Variants in DCBLD2 observed in about 807,000 individuals in gnomAD.
The protein encoded by DCBLD2 is discoidin, CUB and LCCL domain-containing protein 2.
Under a neutral mutation model 86.8 loss-of-function variants are expected in DCBLD2, and 54 were observed. That is an observed-to-expected ratio of 0.62 (90% confidence interval 0.50 to 0.78). The LOEUF (loss-of-function observed/expected upper bound fraction) is 0.78, where lower values mean the gene tolerates loss of function less well. Among genes scored for constraint, DCBLD2 ranks in the 30% least tolerant of loss-of-function variants. The pLI is 0.00. For synonymous variants in DCBLD2, 354 were observed against 341.3 expected (o/e 1.04, Z -0.41); for missense variants, 908 against 954.2 (o/e 0.95, Z 0.64).
intron 13 of DCBLD2, among the ~76,000 whole-genome samples, chr3:98,805,365 TAAAA>T (rs151049328): frequency 1.3e-5 from 2 of 152,104 alleles, no homozygotes; most frequent in African/African-American, 4.8e-5. Flanking sequence ...GATTTAGAAA[TAAAA>T]AAATAAATAA....
In DCBLD2 at chr3:98,849,505, G is replaced by A; in HGVS notation, c.527C>T (p.Ser176Phe). Residue 176 changes from serine to phenylalanine, a missense_variant, in exon 3 of 16, where the codon TCT becomes TTT. This residue lies in a region of DCBLD2 where 294 missense variants were observed against 256.0 expected (regional missense o/e 1.15). Coordinates refer to ENST00000326840, the MANE Select transcript of DCBLD2 (RefSeq NM_080927.4). The stretch of plus-strand genomic sequence containing the variant: ...GTATGAGGCCAAAAATCCGCGTCCA[G>A]AAACATGGATTCCACTCATGAACAG... ...TLLFMSGIHVSGRGFLASYSV... is the reference protein window; with the variant it reads ...TLLFMSGIHVFGRGFLASYSV... 1.9e-6 allele frequency: 3 copies of A among 1,613,890 alleles called. No homozygotes were observed. The highest frequency in any genetic ancestry group is 1.1e-5 in the South Asian group (1 of 91,068).
At position 98,849,762 on chromosome 3, in the gene DCBLD2, A is replaced by C. The variant is rs138149467; in HGVS notation, c.434-164T>G. On this transcript the variant is annotated intron_variant, in intron 2 of 15. Coordinates refer to ENST00000326840, the MANE Select transcript of DCBLD2 (RefSeq NM_080927.4). ...ATTACCAATCATATTGCTCTGGAGG[A>C]AAAAAATGACAAGTAATGTCTATTC... Among the ~76,000 whole-genome samples, 1,246 of 152,316 alleles carry C rather than the reference A, an allele frequency of 8.2e-3. 20 individuals are homozygous for C. Among genetic ancestry groups the C allele is most frequent in the African/African-American group, 0.029 (1,199 of 41,566 alleles).
chr3:98,901,598 C>T lies in DCBLD2; in HGVS notation c.-272G>A. The T allele has an allele frequency of 3.5e-6, 1 of 286,912 alleles. No individual in the cohort carries two copies. The highest frequency in any genetic ancestry group is 6.4e-6 in the Non-Finnish European group (1 of 156,172). 17.8% of individuals were successfully genotyped at this position (286,912 alleles called of 1,614,324 possible). On this transcript the variant is annotated 5_prime_UTR_variant, in exon 1 of 16. Transcript: ENST00000326840. ...GTCCTCGAGCCGCGGAGGACGGCCG[C>T]GGCGGAGCTAAGGAACGTGCCTCCC...
chr3:98,854,319 C>G lies in DCBLD2; in HGVS notation c.434-4721G>C, dbSNP rs183287358. Among the ~76,000 whole-genome samples the G allele has an allele frequency of 3.0e-4, 45 of 152,122 alleles. No individual in the cohort carries two copies. In the East Asian group the frequency reaches 8.5e-3, roughly 29 times the overall value. On this transcript the variant is annotated intron_variant, in intron 2 of 15. Transcript: ENST00000326840. ...GGACCATTGTCTTATGCTTGGTGGG[C>G]CAGAGTGAGGTGGAGATGTACAAAT... is the stretch of plus-strand genomic sequence containing the variant.
chr3:98,858,314 C>T (rs2107494383), intron 2 of DCBLD2, among the ~76,000 whole-genome samples: 1 of 152,366 alleles, frequency 6.6e-6, no homozygotes, highest in South Asian at 2.1e-4. Flanking sequence ...TCCCTCCACA[C>T]CTACCCGCAA....
chr3:98,812,434 A>G lies in DCBLD2; in HGVS notation c.1261T>C (p.Leu421=), dbSNP rs753714057. The part of the protein sequence containing the change: ...DYHQDVRNNF[L]PPIIARFIRV... ...ATAAAACGTGCAATAATTGGTGGCAAAAAGTTATTACGCACATCCTGGTGA... is the reference window on the plus strand; with the variant it reads ...ATAAAACGTGCAATAATTGGTGGCAGAAAGTTATTACGCACATCCTGGTGA... The change falls in exon 10 of 16, where the codon TTG becomes CTG. Residue 421 remains leucine, a synonymous_variant. Coordinates refer to ENST00000326840, the MANE Select transcript of DCBLD2 (RefSeq NM_080927.4). The G allele has an allele frequency of 5.6e-6, 9 of 1,613,512 alleles. No individual in the cohort carries two copies. The highest frequency in any genetic ancestry group is 7.6e-6 in the Non-Finnish European group (9 of 1,179,632).
At position 98,799,552 on chromosome 3, in the gene DCBLD2, A is replaced by G. The variant is rs1941676674; in HGVS notation, c.2148T>C (p.Asn716=). The part of the protein sequence containing the change: ...NQPPPLVGTY[N]TLLSRTDSCS... ...AGCTGTCAGTCCTGGAGAGAAGTGT[A>G]TTGTAAGTTCCCACTAGTGGGGGAG... The change falls in exon 16 of 16, where the codon AAT becomes AAC. Residue 716 remains asparagine, a synonymous_variant. Transcript: ENST00000326840. 9 of 1,613,816 alleles carry G rather than the reference A, an allele frequency of 5.6e-6. No homozygotes were observed. The highest frequency in any genetic ancestry group is 7.6e-6 in the Non-Finnish European group (9 of 1,179,878).
chr3:98,851,097 A>T (rs2470839), intron 2 of DCBLD2, among the ~76,000 whole-genome samples: 1 of 152,084 alleles, frequency 6.6e-6, no homozygotes, highest in African/African-American at 2.4e-5. Context: ...CTGGTCAGGG[A>T]AATCAGGCAA....
chr3:98,901,444 G>C lies in DCBLD2; in HGVS notation c.-118C>G. Reference sequence around the variant, plus strand: ...GGCGGGAGAACAAGAGGCAGCCCTCGCCTCACCCCGCGCCGGGACCCTTCC... The same window carrying C: ...GGCGGGAGAACAAGAGGCAGCCCTCCCCTCACCCCGCGCCGGGACCCTTCC... On this transcript the variant is annotated 5_prime_UTR_variant, in exon 1 of 16. Coordinates refer to ENST00000326840, the MANE Select transcript of DCBLD2 (RefSeq NM_080927.4). The C allele has an allele frequency of 9.6e-7, 1 of 1,042,342 alleles. No homozygotes were observed. Among genetic ancestry groups the C allele is most frequent in the Non-Finnish European group, 1.2e-6 (1 of 814,954 alleles). 64.6% of individuals were successfully genotyped at this position (1,042,342 alleles called of 1,614,324 possible).
intron 5 of DCBLD2, 53 bp from the exon 6 acceptor site, chr3:98,822,414 T>A (rs959152802): frequency 7.6e-6 from 12 of 1,568,688 alleles, no homozygotes; most frequent in Non-Finnish European, 9.5e-6. Context: ...TAATAATTCA[T>A]AAACAAGACA....
chr3:98,838,640 G>A (rs1344565070), intron 3 of DCBLD2, among the ~76,000 whole-genome samples: 4 of 152,086 alleles, frequency 2.6e-5, no homozygotes, highest in East Asian at 1.9e-4. Context: ...CTTCCCAGAC[G>A]GGGTGGCGGC....
chr3:98,822,760 C>T lies in DCBLD2; in HGVS notation c.624-19G>A, dbSNP rs757401439. 8.9e-6 allele frequency: 14 copies of T among 1,564,486 alleles called. 1 individual carries two copies. In the South Asian group the frequency reaches 1.5e-4, roughly 16 times the overall value. ...GTACTTACTGAGAAATGAAAACAAGCAAAAGGTTACATAATGCTGTATTTT... is the reference window on the plus strand; with the variant it reads ...GTACTTACTGAGAAATGAAAACAAGTAAAAGGTTACATAATGCTGTATTTT... On this transcript the variant is annotated intron_variant, in intron 4 of 15. Transcript: ENST00000326840.
intron 3 of DCBLD2, among the ~76,000 whole-genome samples, chr3:98,839,118 TTTTTCTTTC>T (rs1204236357): frequency 1.3e-5 from 1 of 77,466 alleles, no homozygotes; most frequent in Non-Finnish European, 2.8e-5. Flanking sequence ...TCTTTCTTTC[TTTTTCTTTC>T]TTTCCTTCCT....
At chr3:98,829,905 T>C (rs1490682126) in intron 3 of DCBLD2, among the ~76,000 whole-genome samples, 1 of 152,220 alleles carries the variant, frequency 6.6e-6, no homozygotes, top group Non-Finnish European at 1.5e-5. Flanking sequence ...CATTAGCATG[T>C]TATTTTTTTA....
intron 2 of DCBLD2, among the ~76,000 whole-genome samples, chr3:98,858,450 C>A (rs115658693): frequency 1.3e-5 from 2 of 152,220 alleles, no homozygotes; most frequent in South Asian, 4.1e-4. Flanking sequence ...CGAGAGCGAG[C>A]GAGGCCTGCG....
At chr3:98,858,984 G>A (rs1024297864) in intron 2 of DCBLD2, among the ~76,000 whole-genome samples, 9 of 152,212 alleles carry the variant, frequency 5.9e-5, no homozygotes, top group Non-Finnish European at 1.3e-4. Context: ...GCCAAGGGAA[G>A]GGGTGACAGA....
rs1942075147 is a variant in DCBLD2 at position 98,819,231 on chromosome 3, A to G, written c.1058T>C (p.Ile353Thr). ...FATDEYQWLQ[I>T]DLNKEKKITG... ...TATTTTCTTTTCCTTATTCAAATCT[A>G]TTTGTAACCACTGGTATTCATCAGT... The change falls in exon 8 of 16, where the codon ATA (isoleucine) becomes ACA (threonine). Residue 353 changes from isoleucine to threonine, a missense_variant. Ile to Thr is a moderately conservative substitution (Grantham distance 89). Transcript: ENST00000326840. 5 of 1,592,800 alleles carry G rather than the reference A, an allele frequency of 3.1e-6. No individual in the cohort carries two copies. The highest frequency in any genetic ancestry group is 4.3e-6 in the Non-Finnish European group (5 of 1,168,700).
Position 98,894,351 on chromosome 3 carries a change from A to C in DCBLD2, c.205+6771T>G, listed in dbSNP as rs927903461. 2.0e-5 allele frequency among the ~76,000 whole-genome samples: 3 copies of C among 152,306 alleles called. No homozygotes were observed. In the East Asian group the frequency reaches 5.8e-4, roughly 29 times the overall value. Reference sequence around the variant, plus strand: ...CACTGGCAAGAAAAAGGAGACAGGCAACTACGAGAACAAAAACTAGGGGGA... The same window carrying C: ...CACTGGCAAGAAAAAGGAGACAGGCCACTACGAGAACAAAAACTAGGGGGA... On this transcript the variant is annotated intron_variant, in intron 1 of 15. Transcript: ENST00000326840.
intron 3 of DCBLD2, among the ~76,000 whole-genome samples, chr3:98,830,461 C>T (rs1345054083): frequency 6.6e-6 from 1 of 152,190 alleles, no homozygotes; most frequent in Non-Finnish European, 1.5e-5. Flanking sequence ...ATATGGCTAG[C>T]CAGTTATCCC....
Sources: allele counts gnomAD v4.1 joint callset (sites outside exome capture counted in the v4.1 genomes callset), GRCh38; gene constraint gnomAD v4.1.1; regional missense constraint gnomAD v4.1.1; transcripts MANE v1.5; gene names NCBI Gene and HGNC (gene_info 2026-07-23, HGNC 2026-07-21).